Variants in DACH2 observed in about 807,000 individuals in gnomAD.
The protein encoded by DACH2 is dachshund homolog 2.
DACH2 carries 17 observed loss-of-function variants against 35.8 expected under a neutral mutation model. The observed-to-expected ratio is 0.48, with a 90% CI of 0.33 to 0.71. The LOEUF (loss-of-function observed/expected upper bound fraction) is 0.71, where lower values mean the gene tolerates loss of function less well. Ranked by LOEUF, DACH2 falls within the 30% of genes least tolerant of loss-of-function variation. The pLI is 0.02. For synonymous variants in DACH2, 195 were observed against 177.3 expected, an observed-to-expected ratio of 1.10 and a Z score of -0.79; for missense variants, 469 against 472.7, an observed-to-expected ratio of 0.99 and a Z score of 0.07.
Position 86,225,047 on chromosome X carries a change from C to T in DACH2, c.488+75939C>T, listed in dbSNP as rs2032792350. Among the ~76,000 whole-genome samples, 3 of 111,322 alleles carry T rather than the reference C, an allele frequency of 2.7e-5. 1 individual carries two copies. In the Middle Eastern group the frequency reaches 0.014, roughly 513 times the overall value. Reference sequence around the variant, plus strand: ...CTCTTCATTTATTTGCGAGCCCTGGCATTAATATTTTTTATTAAAATTATT... The same window carrying T: ...CTCTTCATTTATTTGCGAGCCCTGGTATTAATATTTTTTATTAAAATTATT... On this transcript the variant is annotated intron_variant, in intron 1 of 11. Transcript: ENST00000373125.
intron 1 of DACH2, among the ~76,000 whole-genome samples, chrX:86,257,940 A>G (rs1383532142): frequency 9.0e-6 from 1 of 111,384 alleles, no homozygotes; most frequent in African/African-American, 3.3e-5. Flanking sequence ...ACAGATATGG[A>G]TACAGATCGG....
intron 6 of DACH2, among the ~76,000 whole-genome samples, chrX:86,729,977 C>A (rs931086421): frequency 4.3e-4 from 48 of 110,371 alleles, no homozygotes; most frequent in Non-Finnish European, 8.1e-4. Flanking sequence ...GCAAGAACTG[C>A]ATAACACATC....
chrX:86,224,798 T>C (rs1465665855), intron 1 of DACH2, among the ~76,000 whole-genome samples: 1 of 111,537 alleles, frequency 9.0e-6, no homozygotes, highest in Non-Finnish European at 1.9e-5. Context: ...CAAGAAAGCC[T>C]ATAGAGTTTC....
At chrX:86,632,919 C>T (rs1404474461) in intron 3 of DACH2, among the ~76,000 whole-genome samples, 10 of 109,464 alleles carry the variant, frequency 9.1e-5, no homozygotes, top group Non-Finnish European at 1.7e-4. Flanking sequence ...ATACTAAAAC[C>T]TATAGGATAC....
chrX:86,755,788 G>A lies in DACH2; in HGVS notation c.1240+15906G>A, dbSNP rs193277949. ...AATTTTTTGTATTTTTAGTAGAGAT[G>A]GGGTTTCACCATGTTAGCCAGGATG... On this transcript the variant is annotated intron_variant, in intron 7 of 11. Coordinates refer to ENST00000373125, the MANE Select transcript of DACH2 (RefSeq NM_053281.3). Among the ~76,000 whole-genome samples, 4 of 108,496 alleles carry A rather than the reference G, an allele frequency of 3.7e-5. No individual in the cohort carries two copies. In the Admixed American group the frequency reaches 4.0e-4, roughly 11 times the overall value. The allele number at this position is 108,496 out of a possible 115,157, so 94.2% of individuals were successfully genotyped here.
At chrX:86,457,812 G>T (rs957842186) in intron 2 of DACH2, among the ~76,000 whole-genome samples, 1 of 111,833 alleles carries the variant, frequency 8.9e-6, no homozygotes, top group African/African-American at 3.2e-5. Flanking sequence ...TCTAAATAAT[G>T]AGTGCTTTAG....
chrX:86,810,770 C>T (rs1423249093), intron 7 of DACH2, among the ~76,000 whole-genome samples: 1 of 110,811 alleles, frequency 9.0e-6, no homozygotes, highest in Non-Finnish European at 1.9e-5. Context: ...AACCATGTAG[C>T]TGAATAAGGT....
chrX:86,181,154 GTCTATCTATCTA>G (rs370859606), intron 1 of DACH2, among the ~76,000 whole-genome samples: 1 of 101,444 alleles, frequency 9.9e-6, no homozygotes, highest in Non-Finnish European at 2.0e-5. Context: ...ATGTCTGACT[GTCTATCTATCTA>G]TCTATCTATC....
intron 1 of DACH2, among the ~76,000 whole-genome samples, chrX:86,228,564 G>C: frequency 9.0e-6 from 1 of 110,919 alleles, no homozygotes; most frequent in South Asian, 3.8e-4. Flanking sequence ...GGCTGTACTA[G>C]TTTACATCCT....
chrX:86,675,381 G>A (rs942791834), intron 4 of DACH2, among the ~76,000 whole-genome samples: 13 of 111,596 alleles, frequency 1.2e-4, no homozygotes, highest in Non-Finnish European at 2.4e-4. Flanking sequence ...ATTTATAATT[G>A]CAACATAAAA....
intron 1 of DACH2, among the ~76,000 whole-genome samples, chrX:86,156,673 A>T (rs1456155264): frequency 9.0e-6 from 1 of 111,258 alleles, no homozygotes; most frequent in Non-Finnish European, 1.9e-5. Flanking sequence ...ATAATTAATG[A>T]ATAAAGTGAG....
intron 2 of DACH2, chrX:86,512,932 GGA>G: frequency 3.1e-6 from 1 of 324,759 alleles, no homozygotes; most frequent in Non-Finnish European, 6.0e-6. Context: ...AAGAAGGAGA[GGA>G]GAGTCCATTT....
intron 1 of DACH2, among the ~76,000 whole-genome samples, chrX:86,310,357 C>A (rs1377523262): frequency 9.0e-6 from 1 of 111,651 alleles, no homozygotes; most frequent in Non-Finnish European, 1.9e-5. Flanking sequence ...GGTCTTTTCA[C>A]CCCAGCCACC....
intron 3 of DACH2, among the ~76,000 whole-genome samples, chrX:86,548,022 T>C (rs2038998854): frequency 8.9e-6 from 1 of 112,476 alleles, no homozygotes; most frequent in Admixed American, 9.4e-5. Context: ...AGTCAAATTA[T>C]TGAGTGGCAA....
intron 1 of DACH2, among the ~76,000 whole-genome samples, chrX:86,222,459 G>T (rs1183910538): frequency 1.8e-5 from 2 of 111,819 alleles, no homozygotes; most frequent in Non-Finnish European, 3.8e-5. Flanking sequence ...TACAAGGCAG[G>T]GCTCAAGGTA....
Position 86,396,465 on chromosome X carries a change from T to C in DACH2, c.527+19603T>C, listed in dbSNP as rs1192049072. On this transcript the variant is annotated intron_variant, in intron 2 of 11. Transcript: ENST00000373125. ...GTTTTAGACATGAAGTCCTTGCCCATGCCTATGTCCTGAATGGTAATGCCT... is the reference window on the plus strand; with the variant it reads ...GTTTTAGACATGAAGTCCTTGCCCACGCCTATGTCCTGAATGGTAATGCCT... Among the ~76,000 whole-genome samples, 392 of 97,830 alleles carry C rather than the reference T, an allele frequency of 4.0e-3. 2 individuals carry two copies. The highest frequency in any genetic ancestry group is 5.0e-3 in the Non-Finnish European group (243 of 48,795). The allele number at this position is 97,830 out of a possible 115,157, so 85.0% of individuals were successfully genotyped here. A position where few individuals can be genotyped will look rare whatever the true frequency, so the allele number is the denominator to read the frequency against.
chrX:86,671,533 G>A (rs761720454), intron 4 of DACH2, among the ~76,000 whole-genome samples: 1 of 110,968 alleles, frequency 9.0e-6, no homozygotes, highest in African/African-American at 3.3e-5. Flanking sequence ...AAAGTGTGCA[G>A]CACCTCCCCC....
chrX:86,400,008 T>G (rs1355485170), intron 2 of DACH2, among the ~76,000 whole-genome samples: 1 of 112,023 alleles, frequency 8.9e-6, no homozygotes, highest in African/African-American at 3.3e-5. Context: ...CCTGTCACTT[T>G]CAGGTACACC....
At position 86,825,648 on chromosome X, in the gene DACH2, GTTAGTT is replaced by G. The variant is rs1320672545; in HGVS notation, c.1751-6455_1751-6450del. 3.6e-5 allele frequency among the ~76,000 whole-genome samples: 4 copies of G among 111,512 alleles called. 1 individual carries two copies. The highest frequency in any genetic ancestry group is 5.6e-5 in the Non-Finnish European group (3 of 53,124). ...GCTCCTGACATAGTGTTCCATACGT[GTTAGTT>G]TTTATTTATTCTTCTCTCCCTTTCT... On this transcript the variant is annotated intron_variant, in intron 11 of 11. Coordinates refer to ENST00000373125, the MANE Select transcript of DACH2 (RefSeq NM_053281.3).
Sources: allele counts gnomAD v4.1 joint callset (sites outside exome capture counted in the v4.1 genomes callset), GRCh38; gene constraint gnomAD v4.1.1; transcripts MANE v1.5; gene names NCBI Gene and HGNC (gene_info 2026-07-23, HGNC 2026-07-21).